CNTNAP2: variants seen among roughly 807,000 people sequenced by gnomAD.
CNTNAP2 encodes contactin-associated protein-like 2.
In CNTNAP2, 98 loss-of-function variants were observed where a neutral mutation model predicts 155.2. That is an observed-to-expected ratio of 0.63 (90% CI 0.54 to 0.75). CNTNAP2 has a LOEUF of 0.75. CNTNAP2 is among the 30% of genes least tolerant of loss of function. The pLI, the probability that CNTNAP2 is intolerant of heterozygous loss-of-function variation, is 0.00. For synonymous variants in CNTNAP2, 651 were observed against 631.2 expected (o/e 1.03, Z -0.47); for missense variants, 1,727 against 1,688.1 (o/e 1.02, Z -0.40).
At chr7:147,961,748 C>T (rs2250528) in intron 14 of CNTNAP2, among the ~76,000 whole-genome samples, 121,904 of 152,054 alleles carry the variant, frequency 0.8, 49,981 homozygotes, top group South Asian at 0.92. Flanking sequence ...ACTGGCATTA[C>T]AATTTTTATT....
chr7:148,415,688 T>G lies in CNTNAP2; in HGVS notation c.*72T>G. 6.5e-7 allele frequency: 1 copy of G among 1,547,050 alleles called. No homozygotes were observed. The highest frequency in any genetic ancestry group is 1.1e-5 in the South Asian group (1 of 88,670). On this transcript the variant is annotated 3_prime_UTR_variant, in exon 24 of 24. Coordinates refer to ENST00000361727, the MANE Select transcript of CNTNAP2 (RefSeq NM_014141.6). ...AGGAGAGAAAGGGACAAAAGCACCCTGCTTCATACTCTTGAGCACATCCTT... is the reference window on the plus strand; with the variant it reads ...AGGAGAGAAAGGGACAAAAGCACCCGGCTTCATACTCTTGAGCACATCCTT...
At chr7:148,199,452 G>A (rs2116729110) in intron 18 of CNTNAP2, among the ~76,000 whole-genome samples, 1 of 152,312 alleles carries the variant, frequency 6.6e-6, no homozygotes, top group African/African-American at 2.4e-5. Context: ...AAATTTAGTG[G>A]TTTGAGATAG....
chr7:148,197,846 G>T (rs1795301869), intron 18 of CNTNAP2, among the ~76,000 whole-genome samples: 1 of 152,164 alleles, frequency 6.6e-6, no homozygotes, highest in African/African-American at 2.4e-5. Flanking sequence ...CACCTTCAAA[G>T]CTCATTGAAA....
chr7:146,734,301 A>G (rs1262202327), intron 1 of CNTNAP2, among the ~76,000 whole-genome samples: 1 of 152,142 alleles, frequency 6.6e-6, no homozygotes, highest in Non-Finnish European at 1.5e-5. Flanking sequence ...TAATATAAAT[A>G]TATAGAGAGT....
intron 9 of CNTNAP2, among the ~76,000 whole-genome samples, chr7:147,349,772 A>C (rs913761927): frequency 6.6e-6 from 1 of 151,932 alleles, no homozygotes; most frequent in African/African-American, 2.4e-5. Flanking sequence ...TGGTGAGTTT[A>C]AAGTTTGGAA....
intron 3 of CNTNAP2, among the ~76,000 whole-genome samples, chr7:146,860,811 C>T (rs936815329): frequency 7.3e-5 from 11 of 151,162 alleles, no homozygotes; most frequent in African/African-American, 2.7e-4. Context: ...AATATGTATA[C>T]CAGGGTCTTA....
At chr7:147,856,471 A>T (rs1023965859) in intron 13 of CNTNAP2, among the ~76,000 whole-genome samples, 2 of 152,174 alleles carry the variant, frequency 1.3e-5, no homozygotes, top group African/African-American at 4.8e-5. Flanking sequence ...CATAACTTGC[A>T]CACGAATCCT....
At chr7:147,520,177 A>G (rs989881622) in intron 11 of CNTNAP2, among the ~76,000 whole-genome samples, 1 of 152,232 alleles carries the variant, frequency 6.6e-6, no homozygotes, top group African/African-American at 2.4e-5. Flanking sequence ...ATTCTTATGA[A>G]CACGAATACT....
intron 1 of CNTNAP2, among the ~76,000 whole-genome samples, chr7:146,556,129 G>A (rs11766783): frequency 3.4e-4 from 51 of 152,044 alleles, no homozygotes; most frequent in Non-Finnish European, 5.1e-4. Flanking sequence ...AATATTTCAT[G>A]GTTATACTTT....
At chr7:147,632,471 C>T (rs954142809) in intron 12 of CNTNAP2, among the ~76,000 whole-genome samples, 3 of 152,074 alleles carry the variant, frequency 2.0e-5, no homozygotes, top group African/African-American at 7.2e-5. Flanking sequence ...GGCTTTTCTG[C>T]CTTTGCGTTG....
chr7:147,823,303 T>G (rs1248095318), intron 13 of CNTNAP2, among the ~76,000 whole-genome samples: 1 of 152,206 alleles, frequency 6.6e-6, no homozygotes, highest in Non-Finnish European at 1.5e-5. Flanking sequence ...ATGTTGTTAA[T>G]GACCGACCCA....
In CNTNAP2 at chr7:146,607,128, A is replaced by G. The variant is rs9918630; in HGVS notation, c.98-167143A>G. On this transcript the variant is annotated intron_variant, in intron 1 of 23. Transcript: ENST00000361727. ...TTTCTAACATTATTATTAGATTAGT[A>G]CTGATGGGTCAGTCAGTACTACAGG... 2.8e-3 allele frequency among the ~76,000 whole-genome samples: 420 copies of G among 152,310 alleles called. 3 individuals are homozygous for G. The highest frequency in any genetic ancestry group is 9.5e-3 in the African/African-American group (394 of 41,574).
intron 1 of CNTNAP2, among the ~76,000 whole-genome samples, chr7:146,380,954 T>G (rs973251786): frequency 6.6e-6 from 1 of 150,596 alleles, no homozygotes; most frequent in Non-Finnish European, 1.5e-5. Flanking sequence ...GCCCGCCACC[T>G]CGCCCGGCTA....
chr7:146,301,373 C>T (rs994120935), intron 1 of CNTNAP2, among the ~76,000 whole-genome samples: 4 of 152,090 alleles, frequency 2.6e-5, no homozygotes, highest in Middle Eastern at 3.4e-3. Context: ...GCCTGTAATC[C>T]CAGCACTTTG....
At chr7:147,084,719 A>G (rs2129270218) in intron 4 of CNTNAP2, among the ~76,000 whole-genome samples, 1 of 147,762 alleles carries the variant, frequency 6.8e-6, no homozygotes, top group South Asian at 2.1e-4. Context: ...ATAATATATA[A>G]TGCTGTATGA....
intron 3 of CNTNAP2, among the ~76,000 whole-genome samples, chr7:146,982,447 A>G (rs1798036134): frequency 6.6e-6 from 1 of 152,198 alleles, no homozygotes; most frequent in Non-Finnish European, 1.5e-5. Context: ...TCAGTTCAAC[A>G]GAGGAGACAT....
chr7:146,509,389 G>C (rs1413244248), intron 1 of CNTNAP2, among the ~76,000 whole-genome samples: 6 of 152,190 alleles, frequency 3.9e-5, no homozygotes, highest in Non-Finnish European at 8.8e-5. Flanking sequence ...AGACAATACT[G>C]TTGGCTCCCT....
intron 1 of CNTNAP2, among the ~76,000 whole-genome samples, chr7:146,665,536 C>G (rs1800175102): frequency 6.6e-6 from 1 of 151,486 alleles, no homozygotes; most frequent in Non-Finnish European, 1.5e-5. Flanking sequence ...AATCCCAGCA[C>G]TTTGGGAGGC....
intron 1 of CNTNAP2, among the ~76,000 whole-genome samples, chr7:146,689,816 T>C (rs1370466446): frequency 6.6e-6 from 1 of 152,032 alleles, no homozygotes; most frequent in Non-Finnish European, 1.5e-5. Context: ...ATATACTACA[T>C]TTTATCATGC....
Sources: gnomAD v4.1 joint callset for allele counts (sites outside exome capture counted in the v4.1 genomes callset) on GRCh38, gnomAD v4.1.1 for gene constraint, MANE v1.5 for transcripts, NCBI Gene and HGNC (gene_info 2026-07-23, HGNC 2026-07-21) for gene names.